Variants in FOXM1 observed in about 807,000 individuals in gnomAD.
FOXM1 encodes forkhead box M1, also known as forkhead box protein M1.
In FOXM1, 25 loss-of-function variants were observed where a neutral mutation model predicts 63.6. The observed-to-expected ratio is 0.39, with a 90% CI of 0.29 to 0.55. The LOEUF (loss-of-function observed/expected upper bound fraction) is 0.55. Among genes scored for constraint, FOXM1 ranks in the 20% least tolerant of loss-of-function variants. The probability of loss-of-function intolerance (pLI) is 0.60; values close to 1 mark genes in which losing one functional copy is unlikely to be tolerated. For synonymous variants in FOXM1, 387 were observed against 376.9 expected (o/e 1.03, Z -0.31); for missense variants, 879 against 958.7 (o/e 0.92, Z 1.10).
In FOXM1 at chr12:2,858,992, G is replaced by C; in HGVS notation, c.1938C>G (p.Ala646=). ...CCAGGGGGTCAGGCAAGGGGTCAGA[G>C]GCACCCTGGGAGGTTTGTACTGGGC... ...DFSPVQTSQG[A]SDPLPDPLGL... The change falls in exon 9 of 9, where the codon GCC becomes GCG. Residue 646 remains alanine, a synonymous_variant. Coordinates refer to ENST00000359843, the MANE Select transcript of FOXM1 (RefSeq NM_021953.4). 1 of 1,613,364 alleles carries C rather than the reference G, an allele frequency of 6.2e-7. No homozygotes were observed. The highest frequency in any genetic ancestry group is 8.5e-7 in the Non-Finnish European group (1 of 1,179,810).
At chr12:2,865,619 T>TTCTGG (rs1160542183) in intron 5 of FOXM1, among the ~76,000 whole-genome samples, 1 of 150,082 alleles carries the variant, frequency 6.7e-6, no homozygotes, top group Non-Finnish European at 1.5e-5. Context: ...GTAGCTCAGC[T>TTCTGG]TCTGGTCTCC....
Position 2,859,434 on chromosome 12 carries a change from G to C in FOXM1, c.1496C>G (p.Ser499Cys). Residue 499 changes from serine (S) to cysteine (C), a missense_variant, in exon 9 of 9, where the codon TCT becomes TGT. By Grantham distance (112) the Ser-to-Cys change is moderately radical. Around this residue, in one of 4 missense-constraint regions of FOXM1, gnomAD observed 486 missense variants for 453.5 expected, o/e 1.07. Transcript: ENST00000359843. ...SPAPSFKEES[S>C]HSWEDSSQSP... is the part of the protein sequence containing the mutation. ...TTGGGACGAATCCTCCCAGGAGTGAGATGATTCCTCTTTGAAAGATGGGGC... is the reference window on the plus strand; with the variant it reads ...TTGGGACGAATCCTCCCAGGAGTGACATGATTCCTCTTTGAAAGATGGGGC... 1 of 1,614,076 alleles carries C rather than the reference G, an allele frequency of 6.2e-7. No homozygotes were observed. The highest frequency in any genetic ancestry group is 8.5e-7 in the Non-Finnish European group (1 of 1,180,028).
intron 1 of FOXM1, among the ~76,000 whole-genome samples, chr12:2,875,153 C>G (rs371592223): frequency 6.6e-6 from 1 of 151,968 alleles, no homozygotes; most frequent in Non-Finnish European, 1.5e-5. Flanking sequence ...CCACCACGCC[C>G]GGCTAGTTTT....
chr12:2,872,037 C>T lies in FOXM1; in HGVS notation c.654+59G>A. The T allele has an allele frequency of 6.3e-7, 1 of 1,585,206 alleles. No individual in the cohort carries two copies. Among genetic ancestry groups the T allele is most frequent in the Non-Finnish European group, 8.7e-7 (1 of 1,154,648 alleles). On this transcript the variant is annotated intron_variant, in intron 3 of 8. Coordinates refer to ENST00000359843, the MANE Select transcript of FOXM1 (RefSeq NM_021953.4). This position sits in a 1 kb window ranked among gnomAD's most constrained non-coding sequence, Gnocchi z 4.0. ...CCATCAGGCCACTTGATCCATTTCC[C>T]TACCTAGGAATTCCCTACACTGGAT...
At chr12:2,862,133 C>T (rs1357062417) in intron 8 of FOXM1, among the ~76,000 whole-genome samples, 9 of 147,288 alleles carry the variant, frequency 6.1e-5, no homozygotes, top group African/African-American at 2.3e-4. Flanking sequence ...GAGCCAAGAT[C>T]ATGCCATTGC....
Position 2,872,016 on chromosome 12 carries a change from C to T in FOXM1, c.654+80G>A, listed in dbSNP as rs921484336. 1 of 1,466,212 alleles carries T rather than the reference C, an allele frequency of 6.8e-7. No individual in the cohort carries two copies. Among genetic ancestry groups the T allele is most frequent in the Non-Finnish European group, 9.5e-7 (1 of 1,048,004 alleles). The allele number at this position is 1,466,212 out of a possible 1,614,324, so 90.8% of individuals were successfully genotyped here. On this transcript the variant is annotated intron_variant, in intron 3 of 8. Transcript: ENST00000359843. This position sits in a 1 kb window ranked among gnomAD's most constrained non-coding sequence, Gnocchi z 4.0. The stretch of plus-strand genomic sequence containing the variant: ...CCAGAACTTGGAAATTCTGGTCCAT[C>T]AGGCCACTTGATCCATTTCCCTACC...
In FOXM1 at chr12:2,872,373, G is replaced by T. The variant is rs901412550; in HGVS notation, c.503-126C>A. On this transcript the variant is annotated intron_variant, in intron 2 of 8. Coordinates refer to ENST00000359843, the MANE Select transcript of FOXM1 (RefSeq NM_021953.4). The surrounding 1 kb of genome is among the most constrained non-coding windows in gnomAD (Gnocchi z 4.0). ...ACCTGTAATCCTAGCACTTTGGGAG[G>T]GCGAGGCGGGTGGATCTCCTGAGGT... The T allele has an allele frequency of 6.5e-6, 6 of 920,432 alleles. No individual in the cohort carries two copies. Among genetic ancestry groups the T allele is most frequent in the Non-Finnish European group, 9.9e-6 (6 of 606,304 alleles). 57.0% of individuals were successfully genotyped at this position (920,432 alleles called of 1,614,324 possible).
At chr12:2,865,825 G>T (rs2098122250) in intron 5 of FOXM1, among the ~76,000 whole-genome samples, 1 of 151,702 alleles carries the variant, frequency 6.6e-6, no homozygotes, top group African/African-American at 2.4e-5. Flanking sequence ...GCTAATTTTT[G>T]TATTTTTAGT....
chr12:2,864,451 C>T lies in FOXM1; in HGVS notation c.1135G>A (p.Val379Ile), dbSNP rs141320223. ...TGGTTCACCGGGAACTGGATAGGTA[C>T]CAGGTATGAGCTGACCCGTGGTAGC... Reference protein sequence around the residue: ...PLLPRVSSYLVPIQFPVNQSL... With the variant: ...PLLPRVSSYLIPIQFPVNQSL... Residue 379 changes from valine to isoleucine, a missense_variant, in exon 8 of 9, where the codon GTA becomes ATA. Val to Ile is a conservative substitution (Grantham distance 29, BLOSUM62 3). This residue lies in a region of FOXM1 where 76 missense variants were observed against 94.5 expected (regional missense o/e 0.80). Coordinates refer to ENST00000359843, the MANE Select transcript of FOXM1 (RefSeq NM_021953.4). This position sits in a 1 kb window ranked among gnomAD's most constrained non-coding sequence, Gnocchi z 5.1. 3 of 1,614,098 alleles carry T rather than the reference C, an allele frequency of 1.9e-6. No homozygotes were observed. The South Asian group carries it at 3.3e-5, about 18-fold the overall frequency.
At chr12:2,865,087 G>A in intron 6 of FOXM1, 1 of 589,640 alleles carries the variant, frequency 1.7e-6, no homozygotes, top group Non-Finnish European at 3.0e-6. Context: ...CCGCCCCTGA[G>A]GCTGGTGCCA....
chr12:2,858,672 A>C lies in FOXM1; in HGVS notation c.2258T>G (p.Ile753Ser). The C allele has an allele frequency of 6.2e-7, 1 of 1,614,118 alleles. No homozygotes were observed. The highest frequency in any genetic ancestry group is 8.5e-7 in the Non-Finnish European group (1 of 1,180,010). Residue 753 changes from isoleucine to serine, a missense_variant, in exon 9 of 9, where the codon ATC becomes AGC. Ile to Ser is a moderately radical substitution (Grantham distance 142). This residue lies in a region of FOXM1 where 486 missense variants were observed against 453.5 expected (regional missense o/e 1.07). Coordinates refer to ENST00000359843, the MANE Select transcript of FOXM1 (RefSeq NM_021953.4). ...CTCAGGAATAAACTGGGACCAGTTG[A>C]TGTTGTCAGGGCCCAGTGGGTCCTC... is the stretch of plus-strand genomic sequence containing the variant. ...LDEDPLGPDN[I>S]NWSQFIPELQ
At chr12:2,869,992 CTTTTTT>C (rs1183668823) in intron 3 of FOXM1, among the ~76,000 whole-genome samples, 1 of 142,166 alleles carries the variant, frequency 7.0e-6, no homozygotes, top group Non-Finnish European at 1.5e-5. Flanking sequence ...TAAATTTTCA[CTTTTTT>C]TTTTTTTTTG....
chr12:2,874,581 C>G lies in FOXM1; in HGVS notation c.-47-56G>C, dbSNP rs577503469. ...GAGATTGTTTAGGCTGAGAAGAGGT[C>G]CTTTTAGAGAAAGGTGCTCCTCTTT... On this transcript the variant is annotated intron_variant, in intron 1 of 8. Transcript: ENST00000359843. The surrounding 1 kb of genome is among the most constrained non-coding windows in gnomAD (Gnocchi z 4.3). 6 of 1,241,252 alleles carry G rather than the reference C, an allele frequency of 4.8e-6. No individual in the cohort carries two copies. The East Asian group carries it at 9.3e-5, about 19-fold the overall frequency. 76.9% of individuals were successfully genotyped at this position (1,241,252 alleles called of 1,614,324 possible). A position where few individuals can be genotyped will look rare whatever the true frequency, so the allele number is the denominator to read the frequency against.
intron 8 of FOXM1, 60 bp from the exon 9 acceptor site, chr12:2,859,723 T>C (rs1392935473): frequency 7.2e-6 from 9 of 1,257,464 alleles, no homozygotes; most frequent in Middle Eastern, 2.5e-4. Flanking sequence ...CACAAAAATA[T>C]CACATACGGG....
intron 5 of FOXM1, among the ~76,000 whole-genome samples, chr12:2,865,738 C>T (rs1406051597): frequency 1.3e-5 from 2 of 151,012 alleles, no homozygotes; most frequent in African/African-American, 4.9e-5. Context: ...CCACAACCAC[C>T]GCCTCCTGGG....
chr12:2,858,778 G>A lies in FOXM1; in HGVS notation c.2152C>T (p.Leu718=). 1.9e-6 allele frequency: 3 copies of A among 1,614,244 alleles called. No individual in the cohort carries two copies. Among genetic ancestry groups the A allele is most frequent in the Non-Finnish European group, 2.5e-6 (3 of 1,180,038 alleles). ...GTGTCCAGGACCAGGCCTTCTGTCA[G>A]AGAACGATTGGCTGCAAGGCCAGAA... ...QVSGLAANRS[L]TEGLVLDTMN... The change falls in exon 9 of 9, where the codon CTG becomes TTG. Residue 718 remains leucine, a synonymous_variant. Coordinates refer to ENST00000359843, the MANE Select transcript of FOXM1 (RefSeq NM_021953.4).
Position 2,864,673 on chromosome 12 carries a change from C to A in FOXM1, c.1090+10G>T. 1 of 1,613,956 alleles carries A rather than the reference C, an allele frequency of 6.2e-7. No individual in the cohort carries two copies. The highest frequency in any genetic ancestry group is 1.7e-5 in the Admixed American group (1 of 60,022). On this transcript the variant is annotated intron_variant, in intron 7 of 8. Transcript: ENST00000359843. This position sits in a 1 kb window ranked among gnomAD's most constrained non-coding sequence, Gnocchi z 5.1. The stretch of plus-strand genomic sequence containing the variant: ...AGGACCAGGCCCAAGGCCCACTCTC[C>A]CATACTAACGTGCGCCCAGGGGGAG...
rs1215500233 is a variant in FOXM1 at position 2,858,467 on chromosome 12, G to A, written c.*171C>T. 5 of 600,348 alleles carry A rather than the reference G, an allele frequency of 8.3e-6. No individual in the cohort carries two copies. The highest frequency in any genetic ancestry group is 1.5e-5 in the Non-Finnish European group (5 of 343,288). 37.2% of individuals were successfully genotyped at this position (600,348 alleles called of 1,614,324 possible). On this transcript the variant is annotated 3_prime_UTR_variant, in exon 9 of 9. Transcript: ENST00000359843. ...ATCAGATACTCTTGGGGAACACAAG[G>A]TCCCAGCAGTGGCTAGGGTGTGACT...
At chr12:2,863,413 CAG>C (rs1474625481) in intron 8 of FOXM1, among the ~76,000 whole-genome samples, 4 of 152,236 alleles carry the variant, frequency 2.6e-5, no homozygotes, top group Admixed American at 6.5e-5. Context: ...TTTTTTGAGA[CAG>C]GGCCTCACTG....
Sources: gnomAD v4.1 joint callset for allele counts (sites outside exome capture counted in the v4.1 genomes callset) on GRCh38, gnomAD v4.1.1 for gene constraint, gnomAD v4.1.1 regional missense constraint, Gnocchi (gnomAD v3.1) non-coding constraint, MANE v1.5 for transcripts, NCBI Gene and HGNC (gene_info 2026-07-23, HGNC 2026-07-21) for gene names.